The following ZBTB20 variants were observed in gnomAD, a reference collection of about 807,000 sequenced individuals.
ZBTB20 encodes zinc finger and BTB domain containing 20.
Under a neutral mutation model 56.9 loss-of-function variants are expected in ZBTB20, and 9 were observed. The ratio of observed to expected loss-of-function variants is 0.16; its 90% CI spans 0.10 to 0.28. The LOEUF is 0.28. Ranked by LOEUF, ZBTB20 falls within the 10% of genes least tolerant of loss-of-function variation. ZBTB20 has a pLI of 1.00. For synonymous variants in ZBTB20, 417 were observed against 420.7 expected (o/e 0.99, Z 0.11); for missense variants, 655 against 1,003.0 (o/e 0.65, Z 4.69).
At chr3:114,863,833 C>G (rs2075643442) in intron 4 of ZBTB20, among the ~76,000 whole-genome samples, 1 of 151,982 alleles carries the variant, frequency 6.6e-6, no homozygotes, top group African/African-American at 2.4e-5. Context: ...ATAAACTTCA[C>G]TCTATAAGAA....
At chr3:114,600,708 A>G (rs1002627082) in intron 6 of ZBTB20, among the ~76,000 whole-genome samples, 8 of 151,948 alleles carry the variant, frequency 5.3e-5, no homozygotes, top group Admixed American at 2.6e-4. Flanking sequence ...GAAACCCTAC[A>G]CTCACTAGTG....
At chr3:115,047,705 C>T (rs2081383698) in intron 2 of ZBTB20, among the ~76,000 whole-genome samples, 1 of 152,080 alleles carries the variant, frequency 6.6e-6, no homozygotes, top group Admixed American at 6.6e-5. Context: ...ATACTGTATC[C>T]TGTTAAATGC....
intron 6 of ZBTB20, among the ~76,000 whole-genome samples, chr3:114,630,038 G>T (rs1269991118): frequency 6.6e-6 from 1 of 152,144 alleles, no homozygotes; most frequent in Non-Finnish European, 1.5e-5. Flanking sequence ...TACTTGTGGG[G>T]CTGAGGTGAG....
chr3:115,028,075 T>C (rs2080500308), intron 2 of ZBTB20, among the ~76,000 whole-genome samples: 1 of 150,832 alleles, frequency 6.6e-6, no homozygotes, highest in Non-Finnish European at 1.5e-5. Context: ...AGAATACATG[T>C]ATTATTAACT....
intron 4 of ZBTB20, among the ~76,000 whole-genome samples, chr3:114,802,742 C>A (rs2071808908): frequency 6.6e-6 from 1 of 151,766 alleles, no homozygotes; most frequent in Non-Finnish European, 1.5e-5. Context: ...AAAAATGATT[C>A]AGAAATTTAA....
At chr3:114,565,816 T>C (rs1229045677) in intron 6 of ZBTB20, among the ~76,000 whole-genome samples, 1 of 152,042 alleles carries the variant, frequency 6.6e-6, no homozygotes, top group Non-Finnish European at 1.5e-5. Flanking sequence ...GAAGTGAAAT[T>C]CTTAGTTCTC....
chr3:114,991,791 T>A (rs2108156368), intron 2 of ZBTB20, among the ~76,000 whole-genome samples: 1 of 152,258 alleles, frequency 6.6e-6, no homozygotes, highest in South Asian at 2.1e-4. Context: ...GGTGCTCCTG[T>A]ATTGGGTGCA....
intron 6 of ZBTB20, among the ~76,000 whole-genome samples, chr3:114,588,530 T>C (rs1424773661): frequency 6.6e-6 from 1 of 152,228 alleles, no homozygotes; most frequent in African/African-American, 2.4e-5. Flanking sequence ...TTTTAGCTTA[T>C]GTAAAATTTT....
intron 6 of ZBTB20, among the ~76,000 whole-genome samples, chr3:114,510,153 A>C (rs1372123937): frequency 6.6e-6 from 1 of 152,188 alleles, no homozygotes; most frequent in Non-Finnish European, 1.5e-5. Flanking sequence ...CTAATTGAGA[A>C]AGACATGATT....
chr3:115,014,813 G>T (rs1219267055), intron 2 of ZBTB20, among the ~76,000 whole-genome samples: 3 of 151,564 alleles, frequency 2.0e-5, no homozygotes, highest in Non-Finnish European at 2.9e-5. Flanking sequence ...TTTCATTTGA[G>T]TACTTTTCTC....
chr3:114,825,233 T>C (rs1341883569), intron 4 of ZBTB20, among the ~76,000 whole-genome samples: 4 of 151,920 alleles, frequency 2.6e-5, no homozygotes, highest in Non-Finnish European at 2.9e-5. Context: ...TTGATATAAA[T>C]TGCATGCAAT....
chr3:114,458,886 A>G (rs1449457960), intron 7 of ZBTB20, among the ~76,000 whole-genome samples: 2 of 152,178 alleles, frequency 1.3e-5, no homozygotes, highest in Non-Finnish European at 2.9e-5. Context: ...CCTTTGAAAT[A>G]CTGTGCCTGC....
intron 4 of ZBTB20, among the ~76,000 whole-genome samples, chr3:114,823,596 T>C (rs990200289): frequency 6.6e-6 from 1 of 152,090 alleles, no homozygotes; most frequent in Non-Finnish European, 1.5e-5. Context: ...AAGCACACTA[T>C]AGACTTGACC....
intron 4 of ZBTB20, among the ~76,000 whole-genome samples, chr3:114,844,330 A>AAAATATAT (rs2074543177): frequency 1.0e-5 from 1 of 99,302 alleles, no homozygotes; most frequent in Admixed American, 1.1e-4. Flanking sequence ...TACTGGAGTA[A>AAAATATAT]ATATATATAT....
At chr3:114,698,084 T>A (rs144254754) in intron 5 of ZBTB20, among the ~76,000 whole-genome samples, 202 of 152,266 alleles carry the variant, frequency 1.3e-3, no homozygotes, top group Non-Finnish European at 2.2e-3. Context: ...TGAATCTGTA[T>A]CTGTGATCAC....
intron 6 of ZBTB20, among the ~76,000 whole-genome samples, chr3:114,646,332 A>G (rs1426633191): frequency 6.6e-6 from 1 of 151,828 alleles, no homozygotes; most frequent in Non-Finnish European, 1.5e-5. Context: ...AGAGAACGAA[A>G]GATACATTTT....
intron 10 of ZBTB20, among the ~76,000 whole-genome samples, chr3:114,362,308 G>C (rs1483198627): frequency 6.6e-6 from 1 of 152,080 alleles, no homozygotes; most frequent in African/African-American, 2.4e-5. Flanking sequence ...ATCTTGTCTT[G>C]TTATAACCAC....
At chr3:115,118,925 T>C (rs996603789) in intron 1 of ZBTB20, among the ~76,000 whole-genome samples, 6 of 152,126 alleles carry the variant, frequency 3.9e-5, no homozygotes, top group South Asian at 2.1e-4. Flanking sequence ...TTATGATTAT[T>C]TTAGAAAGAG....
chr3:114,517,069 T>C (rs1161038924), intron 6 of ZBTB20, among the ~76,000 whole-genome samples: 1 of 152,220 alleles, frequency 6.6e-6, no homozygotes, highest in Non-Finnish European at 1.5e-5. Flanking sequence ...TAGGAACTGC[T>C]CTAGGATATT....
Sources: allele counts gnomAD v4.1 joint callset (sites outside exome capture counted in the v4.1 genomes callset), GRCh38; gene constraint gnomAD v4.1.1; transcripts MANE v1.5; gene names NCBI Gene and HGNC (gene_info 2026-07-23, HGNC 2026-07-21).